Variants in CASZ1 observed in about 807,000 individuals in gnomAD.
The protein encoded by CASZ1 is castor zinc finger 1, also known as zinc finger protein castor homolog 1.
CASZ1 carries 28 observed loss-of-function variants against 135.2 expected under a neutral mutation model. The observed-to-expected ratio is 0.21, with a 90% CI of 0.15 to 0.28. The LOEUF is 0.28. Among genes scored for constraint, CASZ1 ranks in the 10% least tolerant of loss-of-function variants. The pLI is 1.00. For synonymous variants in CASZ1, 1,068 were observed against 1,073.4 expected (o/e 0.99, Z 0.10); for missense variants, 2,161 against 2,453.3 (o/e 0.88, Z 2.52).
At chr1:10,744,067 C>A (rs948310372) in intron 2 of CASZ1, among the ~76,000 whole-genome samples, 3 of 152,128 alleles carry the variant, frequency 2.0e-5, no homozygotes, top group Admixed American at 1.3e-4. Context: ...GCACTCTCTC[C>A]CCCTTAGACT....
At position 10,668,020 on chromosome 1, in the gene CASZ1, C is replaced by T. The variant is rs560333816; in HGVS notation, c.17-2449G>A. ...CCAGCTGCCGCGCTGCCCCAGCCCA[C>T]CTGCCTTCCAGATGCTGCCCTCCCT... On this transcript the variant is annotated intron_variant, in intron 4 of 20. Transcript: ENST00000377022. 3.3e-5 allele frequency among the ~76,000 whole-genome samples: 5 copies of T among 152,348 alleles called. No individual in the cohort carries two copies. In the South Asian group the frequency reaches 6.2e-4, roughly 19 times the overall value.
chr1:10,747,974 GC>G lies in CASZ1; in HGVS notation c.-77+12726del, dbSNP rs1393222242. On this transcript the variant is annotated intron_variant, in intron 2 of 20. Coordinates refer to ENST00000377022, the MANE Select transcript of CASZ1 (RefSeq NM_001079843.3). The surrounding 1 kb of genome is among the most constrained non-coding windows in gnomAD (Gnocchi z 4.3). Reference sequence around the variant, plus strand: ...TGGGACTAGAGGCACCCGCCACCACGCCCGGCTAAGTTTTTTGTATTTTTTA... The same window carrying G: ...TGGGACTAGAGGCACCCGCCACCACGCCGGCTAAGTTTTTTGTATTTTTTA... Among the ~76,000 whole-genome samples the G allele has an allele frequency of 6.6e-6, 1 of 152,194 alleles. No individual in the cohort carries two copies. The highest frequency in any genetic ancestry group is 1.9e-4 in the East Asian group (1 of 5,176).
intron 1 of CASZ1, among the ~76,000 whole-genome samples, chr1:10,764,015 A>T (rs1042885674): frequency 1.3e-5 from 2 of 152,174 alleles, no homozygotes; most frequent in Non-Finnish European, 2.9e-5. Flanking sequence ...GGCAAGTGCC[A>T]CCACGCCTGG....
chr1:10,643,256 C>G lies in CASZ1; in HGVS notation c.3924G>C (p.Gln1308His). The G allele has an allele frequency of 6.2e-7, 1 of 1,613,220 alleles. No homozygotes were observed. The highest frequency in any genetic ancestry group is 8.5e-7 in the Non-Finnish European group (1 of 1,180,006). Residue 1308 changes from glutamine (Q) to histidine (H), a missense_variant, in exon 19 of 21, where the codon CAG becomes CAC. By Grantham distance (24) the Gln-to-His change is conservative (BLOSUM62 0). Around this residue, in one of 7 missense-constraint regions of CASZ1, gnomAD observed 349 missense variants for 460.8 expected, o/e 0.76. Coordinates refer to ENST00000377022, the MANE Select transcript of CASZ1 (RefSeq NM_001079843.3). The part of the protein sequence containing the change: ...SHFHCIREGC[Q>H]FSFLLKHQMT... ...TCTGGTGCTTGAGGAGGAAGGAGAA[C>G]TGGCAGCCCTCCCGGATGCAGTGGA...
intron 1 of CASZ1, among the ~76,000 whole-genome samples, chr1:10,795,940 G>A (rs1038005150): frequency 1.3e-5 from 2 of 152,068 alleles, no homozygotes. Context: ...AGAGCCGGCT[G>A]GAGGGGTTCC....
Position 10,649,333 on chromosome 1 carries a change from C to A in CASZ1, c.2985G>T (p.Lys995Asn). The change falls in exon 14 of 21, where the codon AAG becomes AAT. Residue 995 changes from lysine (K) to asparagine (N), a missense_variant. Coordinates refer to ENST00000377022, the MANE Select transcript of CASZ1 (RefSeq NM_001079843.3). ...EPSPFLGKAV[K>N]ALVQEKLAEP... ...CTGCCAACTTCTCCTGAACCAGCGC[C>A]TTCACGGCCTTGCCTAGGAAGGGCG... is the stretch of plus-strand genomic sequence containing the variant. 6.3e-7 allele frequency: 1 copy of A among 1,597,802 alleles called. No individual in the cohort carries two copies.
chr1:10,768,374 T>G (rs1244578418), intron 1 of CASZ1, among the ~76,000 whole-genome samples: 1 of 152,060 alleles, frequency 6.6e-6, no homozygotes, highest in African/African-American at 2.4e-5. Context: ...CGCACCACCA[T>G]GCCTGGCTAA....
rs1050957935 is a variant in CASZ1, at chr1:10,777,971, G to A, written c.-233-17114C>T. Among the ~76,000 whole-genome samples, 17 of 150,068 alleles carry A rather than the reference G, an allele frequency of 1.1e-4. No homozygotes were observed. Among genetic ancestry groups the A allele is most frequent in the South Asian group, 4.2e-4 (2 of 4,708 alleles). On this transcript the variant is annotated intron_variant, in intron 1 of 20. Transcript: ENST00000377022. This position sits in a 1 kb window ranked among gnomAD's most constrained non-coding sequence, Gnocchi z 4.4. ...GTCACAACCACATACAATCTCATACGCAATCGCATACACAATCTCATACAG... is the reference window on the plus strand; with the variant it reads ...GTCACAACCACATACAATCTCATACACAATCGCATACACAATCTCATACAG...
chr1:10,667,301 G>A (rs1374826861), intron 4 of CASZ1, among the ~76,000 whole-genome samples: 2 of 152,232 alleles, frequency 1.3e-5, no homozygotes, highest in Non-Finnish European at 2.9e-5. Context: ...AGACGAGACA[G>A]GGTGACTCTA....
chr1:10,737,471 AG>A (rs1459045234), intron 2 of CASZ1, among the ~76,000 whole-genome samples: 1 of 152,248 alleles, frequency 6.6e-6, no homozygotes, highest in Admixed American at 6.5e-5. Context: ...AGGGCAGAGA[AG>A]TGGGTGGGGT....
Position 10,776,264 on chromosome 1 carries a change from C to A in CASZ1, c.-233-15407G>T, listed in dbSNP as rs2100602745. Among the ~76,000 whole-genome samples, 1 of 152,292 alleles carries A rather than the reference C, an allele frequency of 6.6e-6. No homozygotes were observed. Among genetic ancestry groups the A allele is most frequent in the Non-Finnish European group, 1.5e-5 (1 of 68,034 alleles). On this transcript the variant is annotated intron_variant, in intron 1 of 20. Coordinates refer to ENST00000377022, the MANE Select transcript of CASZ1 (RefSeq NM_001079843.3). The surrounding 1 kb of genome is among the most constrained non-coding windows in gnomAD (Gnocchi z 4.1). ...AGTGTTTGCTATTACATTCAATTAC[C>A]TTTTTACTTGAGATTTACATTCTCA...
chr1:10,660,080 G>T lies in CASZ1; in HGVS notation c.962C>A (p.Thr321Asn), dbSNP rs1377321052. ...KYDFFIQKLK[T>N]GENLRPQNGS... ...GTTCTGGGGCCGCAGATTCTCGCCG[G>T]TCTTCAGTTTTTGGATGAAGAAGTC... The change falls in exon 6 of 21, where the codon ACC (threonine) becomes AAC (asparagine). Residue 321 changes from threonine to asparagine, a missense_variant. By Grantham distance (65) the Thr-to-Asn change is moderately conservative. Coordinates refer to ENST00000377022, the MANE Select transcript of CASZ1 (RefSeq NM_001079843.3). The T allele has an allele frequency of 2.5e-6, 4 of 1,614,184 alleles. No individual in the cohort carries two copies. The highest frequency in any genetic ancestry group is 2.5e-6 in the Non-Finnish European group (3 of 1,180,022).
chr1:10,636,992 G>A lies in CASZ1; in HGVS notation c.*1950C>T, dbSNP rs538862111. 5.2e-5 allele frequency: 8 copies of A among 152,410 alleles called. No homozygotes were observed. The highest frequency in any genetic ancestry group is 1.9e-4 in the African/African-American group (8 of 41,526). 9.4% of individuals were successfully genotyped at this position (152,410 alleles called of 1,614,324 possible). On this transcript the variant is annotated 3_prime_UTR_variant, in exon 21 of 21. Transcript: ENST00000377022. Reference sequence around the variant, plus strand: ...GTGGATCAAGCATTGTTTCCCCACAGAAAGAAAATAAAACAAAAATTACAC... The same window carrying A: ...GTGGATCAAGCATTGTTTCCCCACAAAAAGAAAATAAAACAAAAATTACAC...
intron 18 of CASZ1, among the ~76,000 whole-genome samples, chr1:10,644,278 C>T (rs1642297412): frequency 1.3e-5 from 2 of 152,202 alleles, no homozygotes; most frequent in Non-Finnish European, 2.9e-5. Context: ...CAGCTCCCAG[C>T]AGCACGGCTA....
At chr1:10,760,120 C>T (rs1267687594) in intron 2 of CASZ1, among the ~76,000 whole-genome samples, 2 of 152,192 alleles carry the variant, frequency 1.3e-5, no homozygotes, top group Non-Finnish European at 2.9e-5. Context: ...TCAAAAGGCA[C>T]CTACAGCTTC....
At chr1:10,660,649 G>C (rs1040780051) in intron 5 of CASZ1, 113 bp from the exon 6 acceptor site, 9 of 729,644 alleles carry the variant, frequency 1.2e-5, no homozygotes, top group Non-Finnish European at 1.8e-5. Flanking sequence ...GGGAGGGGCG[G>C]AGCAGGACAC....
intron 2 of CASZ1, among the ~76,000 whole-genome samples, chr1:10,729,773 A>C (rs1639670321): frequency 6.6e-6 from 1 of 152,154 alleles, no homozygotes; most frequent in South Asian, 2.1e-4. Context: ...GTTCCTCAGC[A>C]CACGCCCTTC....
intron 1 of CASZ1, among the ~76,000 whole-genome samples, chr1:10,784,400 G>A (rs547136834): frequency 3.3e-5 from 5 of 152,314 alleles, no homozygotes; most frequent in African/African-American, 7.2e-5. Flanking sequence ...ACCTCCAGCC[G>A]TACGTGGCTG....
Position 10,665,354 on chromosome 1 carries a change from G to A in CASZ1, c.234C>T (p.Arg78=). The change falls in exon 5 of 21, where the codon CGC becomes CGT. Residue 78 remains arginine, a synonymous_variant. Coordinates refer to ENST00000377022, the MANE Select transcript of CASZ1 (RefSeq NM_001079843.3). ...CTGCCCGTCTCTTGTCTTCCTCGCT[G>A]CGGGGGGCCCGGGCTGCCCCAGACT... is the stretch of plus-strand genomic sequence containing the variant. ...GPESGAARAP[R]SEEDKRRAVI... 1 of 1,611,710 alleles carries A rather than the reference G, an allele frequency of 6.2e-7. No individual in the cohort carries two copies. The highest frequency in any genetic ancestry group is 8.5e-7 in the Non-Finnish European group (1 of 1,178,472).
Sources: gnomAD v4.1 joint callset for allele counts (sites outside exome capture counted in the v4.1 genomes callset) on GRCh38, gnomAD v4.1.1 for gene constraint, gnomAD v4.1.1 regional missense constraint, Gnocchi (gnomAD v3.1) non-coding constraint, MANE v1.5 for transcripts, NCBI Gene and HGNC (gene_info 2026-07-23, HGNC 2026-07-21) for gene names.